The following NEK10 variants were observed in gnomAD, a reference collection of about 807,000 sequenced individuals.
NEK10 encodes the protein NIMA related kinase 10, also known as serine/threonine-protein kinase Nek10.
In NEK10, 122 loss-of-function variants were observed where a neutral mutation model predicts 159.8. The observed-to-expected ratio is 0.76, with a 90% confidence interval of 0.66 to 0.89. NEK10 has a LOEUF of 0.89. NEK10 is among the 40% of genes least tolerant of loss of function. NEK10 has a pLI of 0.00. For synonymous variants in NEK10, 466 were observed against 457.1 expected, an observed-to-expected ratio of 1.02 and a Z score of -0.25; for missense variants, 1,342 against 1,323.1, an observed-to-expected ratio of 1.01 and a Z score of -0.22.
Position 27,257,039 on chromosome 3 carries a change from C to T in NEK10, c.2015-668G>A, listed in dbSNP as rs909624778. On this transcript the variant is annotated intron_variant, in intron 22 of 35. Transcript: ENST00000691995. ...CAAGCAATTCTCGTGCCTCAGCCTCCCAAGTAGCTGGGATTACAGGCACGT... is the reference window on the plus strand; with the variant it reads ...CAAGCAATTCTCGTGCCTCAGCCTCTCAAGTAGCTGGGATTACAGGCACGT... Among the ~76,000 whole-genome samples, 7 of 151,818 alleles carry T rather than the reference C, an allele frequency of 4.6e-5. No individual in the cohort carries two copies. In the East Asian group the frequency reaches 5.8e-4, roughly 13 times the overall value.
At chr3:27,298,123 AT>A (rs2043506508) in intron 13 of NEK10, among the ~76,000 whole-genome samples, 3 of 151,908 alleles carry the variant, frequency 2.0e-5, no homozygotes, top group Non-Finnish European at 4.4e-5. Flanking sequence ...TTTAATTTTT[AT>A]TTTTCCATTT....
At chr3:27,162,465 A>T in intron 30 of NEK10, 1 of 1,614,074 alleles carries the variant, frequency 6.2e-7, no homozygotes, top group Non-Finnish European at 8.5e-7. Context: ...TACTACCATG[A>T]TCTTTGAGAT....
intron 22 of NEK10, among the ~76,000 whole-genome samples, chr3:27,280,585 C>A (rs1185682280): frequency 1.3e-5 from 2 of 152,070 alleles, no homozygotes; most frequent in Admixed American, 6.6e-5. Context: ...GGCGCACATA[C>A]CCCCAGGCAA....
intron 29 of NEK10, among the ~76,000 whole-genome samples, chr3:27,163,505 C>A (rs181892776): frequency 6.6e-6 from 1 of 152,122 alleles, no homozygotes; most frequent in East Asian, 1.9e-4. Context: ...GTGCCCGCCA[C>A]CACGCCCAGC....
intron 5 of NEK10, among the ~76,000 whole-genome samples, chr3:27,342,371 C>T (rs1251841915): frequency 6.6e-6 from 1 of 152,094 alleles, no homozygotes; most frequent in Non-Finnish European, 1.5e-5. Flanking sequence ...TGGGGTGAGG[C>T]ACAATGGAAA....
At chr3:27,155,155 C>A (rs1945272699) in intron 30 of NEK10, among the ~76,000 whole-genome samples, 1 of 152,146 alleles carries the variant, frequency 6.6e-6, no homozygotes, top group Non-Finnish European at 1.5e-5. Context: ...ACACCAACAG[C>A]AACCAAGTGG....
chr3:27,149,898 G>A (rs1046910119), intron 30 of NEK10, among the ~76,000 whole-genome samples: 1 of 152,192 alleles, frequency 6.6e-6, no homozygotes, highest in African/African-American at 2.4e-5. Context: ...TGAATGCAGA[G>A]AAAAGATTTT....
At chr3:27,327,274 C>A (rs555280231) in intron 5 of NEK10, among the ~76,000 whole-genome samples, 12 of 152,304 alleles carry the variant, frequency 7.9e-5, no homozygotes, top group Admixed American at 7.8e-4. Flanking sequence ...ATGGGGGCAG[C>A]CCTGAGAAAC....
chr3:27,143,410 AT>A, intron 30 of NEK10: 1 of 738,082 alleles, frequency 1.4e-6, no homozygotes. Context: ...CTGTGATGAC[AT>A]TTTGAATGGG....
intron 3 of NEK10, among the ~76,000 whole-genome samples, chr3:27,347,171 T>G (rs1164863040): frequency 1.3e-5 from 2 of 152,206 alleles, no homozygotes; most frequent in African/African-American, 4.8e-5. Flanking sequence ...TATAATATGT[T>G]GCACTTGTTG....
chr3:27,291,171 CAAG>C, intron 18 of NEK10, 88 bp downstream of exon 18: 1 of 1,210,052 alleles, frequency 8.3e-7, no homozygotes, highest in South Asian at 1.5e-5. Flanking sequence ...TTTTCAATGA[CAAG>C]AGTTCTAATT....
chr3:27,345,974 A>AAATG (rs59419769), intron 4 of NEK10, 112 bp downstream of exon 4: 3 of 971,160 alleles, frequency 3.1e-6, no homozygotes, highest in African/African-American at 3.3e-5. Context: ...AAGAATCGCT[A>AAATG]TGGTAAATTT....
intron 22 of NEK10, among the ~76,000 whole-genome samples, chr3:27,266,821 C>A (rs2040933951): frequency 6.6e-6 from 1 of 152,200 alleles, no homozygotes; most frequent in Non-Finnish European, 1.5e-5. Context: ...TGACATGCTT[C>A]CTCTCTTTCC....
intron 14 of NEK10, 27 bp downstream of exon 14, chr3:27,297,152 C>G (rs776982061): frequency 1.2e-5 from 18 of 1,541,066 alleles, no homozygotes; most frequent in Non-Finnish European, 1.6e-5. Context: ...GTTATGGAGA[C>G]CTGACCTTGA....
chr3:27,254,918 T>TACAC (rs3035705), intron 23 of NEK10, among the ~76,000 whole-genome samples: 9,743 of 141,798 alleles, frequency 0.069, 352 homozygotes, highest in African/African-American at 0.11. Flanking sequence ...CTCTTTCTCT[T>TACAC]ACACACACAC....
chr3:27,272,188 G>A (rs755071325), intron 22 of NEK10, among the ~76,000 whole-genome samples: 12 of 152,178 alleles, frequency 7.9e-5, no homozygotes, highest in Non-Finnish European at 1.3e-4. Flanking sequence ...ATATGTGTCA[G>A]TGACTTCCAA....
In NEK10 at chr3:27,357,368, TC is replaced by T. The variant is rs1387273210; in HGVS notation, c.-37-4450del. ...TAGGTCAACAAATCGCTCATAAAAC[TC>T]TTTTATAAATAAAATCAGTTGATGA... On this transcript the variant is annotated intron_variant, in intron 1 of 35. Coordinates refer to ENST00000691995, the MANE Select transcript of NEK10 (RefSeq NM_001394966.1). Among the ~76,000 whole-genome samples, 26 of 152,374 alleles carry T rather than the reference TC, an allele frequency of 1.7e-4. 1 individual carries two copies. The highest frequency in any genetic ancestry group is 1.6e-3 in the Admixed American group (25 of 15,304).
At chr3:27,118,285 G>A in intron 33 of NEK10, among the ~76,000 whole-genome samples, 1 of 152,176 alleles carries the variant, frequency 6.6e-6, no homozygotes, top group African/African-American at 2.4e-5. Context: ...GCTTGGGATT[G>A]TCTTGCTGGA....
intron 1 of NEK10, among the ~76,000 whole-genome samples, chr3:27,353,255 A>G (rs1163009359): frequency 1.3e-5 from 2 of 152,234 alleles, no homozygotes; most frequent in Non-Finnish European, 2.9e-5. Flanking sequence ...GAAGATGCCC[A>G]TATTTTCAAT....
Sources: gnomAD v4.1 joint callset for allele counts (sites outside exome capture counted in the v4.1 genomes callset) on GRCh38, gnomAD v4.1.1 for gene constraint, MANE v1.5 for transcripts, NCBI Gene and HGNC (gene_info 2026-07-23, HGNC 2026-07-21) for gene names.